The following HSPA1L variants were observed in gnomAD, a reference collection of about 807,000 sequenced individuals.
HSPA1L encodes heat shock protein family A (Hsp70) member 1 like.
A neutral mutation model predicts 31.5 loss-of-function variants in HSPA1L; 21 were observed. The observed-to-expected ratio is 0.67, with a 90% confidence interval of 0.47 to 0.96. The LOEUF (loss-of-function observed/expected upper bound fraction) is 0.96, where lower values mean the gene tolerates loss of function less well. Ranked by LOEUF, HSPA1L falls within the 40% of genes least tolerant of loss-of-function variation. The pLI is 0.00. For missense variants in HSPA1L, 709 were observed against 813.4 expected (o/e 0.87, Z 1.56); for synonymous variants, 293 against 323.1 (o/e 0.91, Z 1.00).
In HSPA1L at chr6:31,811,822, G is replaced by A. The variant is rs760051391; in HGVS notation, c.151C>T (p.Arg51Trp). The A allele has an allele frequency of 5.0e-6, 8 of 1,614,014 alleles. No individual in the cohort carries two copies. The highest frequency in any genetic ancestry group is 5.1e-6 in the Non-Finnish European group (6 of 1,180,026). Residue 51 changes from arginine to tryptophan, a missense_variant, in exon 2 of 2, where the codon CGG becomes TGG. Physicochemically the swap from Arg to Trp is moderately radical, Grantham distance 101. Transcript: ENST00000375654. ...TTCTTGGCCGCATCCCCAATGAGCC[G>A]CTCGGTGTCTGTGAAGGCCACGTAG... ...PSYVAFTDTE[R>W]LIGDAAKNQV...
Position 31,810,825 on chromosome 6 carries a change from A to G in HSPA1L, c.1148T>C (p.Met383Thr), listed in dbSNP as rs1486169523. 3.1e-6 allele frequency: 5 copies of G among 1,614,014 alleles called. No homozygotes were observed. Among genetic ancestry groups the G allele is most frequent in the Non-Finnish European group, 4.2e-6 (5 of 1,180,020 alleles). Residue 383 changes from methionine to threonine, a missense_variant, in exon 2 of 2, where the codon ATG (methionine) becomes ACG (threonine). Met to Thr is a moderately conservative substitution (Grantham distance 81). Transcript: ENST00000375654. ...YGAAVQAAIL[M>T]GDKSEKVQDL... ...CTGTACCTTCTCAGACTTGTCCCCC[A>G]TCAGGATGGCTGCTTGTACCGCAGC...
In HSPA1L at chr6:31,810,779, C is replaced by G; in HGVS notation, c.1194G>C (p.Val398=). Residue 398 remains valine, a synonymous_variant, in exon 2 of 2, where the codon GTG becomes GTC. Coordinates refer to ENST00000375654, the MANE Select transcript of HSPA1L (RefSeq NM_005527.4). The part of the protein sequence containing the change: ...EKVQDLLLLD[V]APLSLGLETA... ...TCTCCAGCCCCAGGGACAGGGGAGC[C>G]ACGTCCAGCAGCAGCAGGTCCTGTA... 6.2e-7 allele frequency: 1 copy of G among 1,614,136 alleles called. No homozygotes were observed. The highest frequency in any genetic ancestry group is 8.5e-7 in the Non-Finnish European group (1 of 1,180,014).
chr6:31,811,646 G>C lies in HSPA1L; in HGVS notation c.327C>G (p.Tyr109Ter), dbSNP rs769675691. Reference protein sequence around the residue: ...EGGKPKVLVSYKGENKAFYPE... With the variant: ...EGGKPKVLVS ...GGTAGAAAGCTTTATTCTCCCCTTTGTAGGACACAAGGACTTTGGGCTTGC... is the reference window on the plus strand; with the variant it reads ...GGTAGAAAGCTTTATTCTCCCCTTTCTAGGACACAAGGACTTTGGGCTTGC... The change falls in exon 2 of 2, where the codon TAC becomes TAG. Residue 109 changes from tyrosine (Y) to a stop codon, truncating the protein, a stop_gained. Transcript: ENST00000375654. LOFTEE classifies it high-confidence loss of function. 1 of 1,614,192 alleles carries C rather than the reference G, an allele frequency of 6.2e-7. No homozygotes were observed. The highest frequency in any genetic ancestry group is 8.5e-7 in the Non-Finnish European group (1 of 1,180,034).
Position 31,811,578 on chromosome 6 carries a change from G to T in HSPA1L, c.395C>A (p.Thr132Asn). The change falls in exon 2 of 2, where the codon ACT (threonine) becomes AAT (asparagine). Residue 132 changes from threonine (T) to asparagine (N), a missense_variant. Thr to Asn is a moderately conservative substitution (Grantham distance 65). Coordinates refer to ENST00000375654, the MANE Select transcript of HSPA1L (RefSeq NM_005527.4). The part of the protein sequence containing the change: ...SSMVLTKLKE[T>N]AEAFLGHPVT... ...AGGGTGGCCCAAAAAGGCCTCAGCA[G>T]TCTCCTTCAACTTAGTCAATACCAT... The T allele has an allele frequency of 3.1e-6, 5 of 1,614,148 alleles. No individual in the cohort carries two copies. The highest frequency in any genetic ancestry group is 4.2e-6 in the Non-Finnish European group (5 of 1,180,014).
intron 1 of HSPA1L, 111 bp from the exon 2 acceptor site, chr6:31,812,096 A>T: frequency 7.6e-7 from 1 of 1,323,334 alleles, no homozygotes; most frequent in Non-Finnish European, 1.0e-6. Flanking sequence ...AGGCGCAGTC[A>T]TAGCTCACTG....
At position 31,810,931 on chromosome 6, in the gene HSPA1L, C is replaced by A; in HGVS notation, c.1042G>T (p.Val348Leu). Residue 348 changes from valine (V) to leucine (L), a missense_variant, in exon 2 of 2, where the codon GTG (valine) becomes TTG (leucine). By Grantham distance (32) the Val-to-Leu change is conservative. Transcript: ENST00000375654. ...AAGTAGTCCTGAAGCAGCCGCTGCA[C>A]CTTGGGGATGCGGGTGGAGCCCCCT... ...LVGGSTRIPK[V>L]QRLLQDYFNG... 3.1e-6 allele frequency: 5 copies of A among 1,614,150 alleles called. No individual in the cohort carries two copies. The highest frequency in any genetic ancestry group is 4.2e-6 in the Non-Finnish European group (5 of 1,180,022).
chr6:31,810,609 T>G lies in HSPA1L; in HGVS notation c.1364A>C (p.Asn455Thr), dbSNP rs773048128. 1.9e-6 allele frequency: 3 copies of G among 1,614,148 alleles called. No homozygotes were observed. The South Asian group carries it at 3.3e-5, about 18-fold the overall frequency. Residue 455 changes from asparagine to threonine, a missense_variant, in exon 2 of 2, where the codon AAC becomes ACC. Coordinates refer to ENST00000375654, the MANE Select transcript of HSPA1L (RefSeq NM_005527.4). ...CAGGTCAAACCGCCCCAGCAGGTTG[T>G]TGTCCTTTGTCATGGCCCTCTCGCC... ...YEGERAMTKD[N>T]NLLGRFDLTG...
intron 1 of HSPA1L, among the ~76,000 whole-genome samples, chr6:31,812,555 T>TCAAACGATCCTTCAGCC (rs1308789848): frequency 2.0e-5 from 3 of 152,124 alleles, no homozygotes; most frequent in Non-Finnish European, 1.5e-5. Context: ...CCTTCAGGGC[T>TCAAACGATCCTTCAGCC]CAAACGATCC....
chr6:31,813,784 G>A (rs528768302), intron 1 of HSPA1L, among the ~76,000 whole-genome samples: 5 of 152,346 alleles, frequency 3.3e-5, no homozygotes, highest in African/African-American at 1.2e-4. Flanking sequence ...GAAGCAAGTA[G>A]CTGTATATTG....
Position 31,810,761 on chromosome 6 carries a change from C to T in HSPA1L, c.1212G>A (p.Gly404=). Residue 404 remains glycine (G), a synonymous_variant, in exon 2 of 2, where the codon GGG becomes GGA. Coordinates refer to ENST00000375654, the MANE Select transcript of HSPA1L (RefSeq NM_005527.4). The stretch of plus-strand genomic sequence containing the variant: ...TCATCACGCCCCCAGCCGTCTCCAG[C>T]CCCAGGGACAGGGGAGCCACGTCCA... The part of the protein sequence containing the change: ...LLLDVAPLSL[G]LETAGGVMTA... 6.2e-7 allele frequency: 1 copy of T among 1,614,056 alleles called. No individual in the cohort carries two copies. The highest frequency in any genetic ancestry group is 8.5e-7 in the Non-Finnish European group (1 of 1,180,002).
At position 31,811,535 on chromosome 6, in the gene HSPA1L, A is replaced by G; in HGVS notation, c.438T>C (p.Ile146=). 6.2e-7 allele frequency: 1 copy of G among 1,614,144 alleles called. No homozygotes were observed. The highest frequency in any genetic ancestry group is 8.5e-7 in the Non-Finnish European group (1 of 1,180,014). ...AGTCATTGAAATAGGCTGGCACGGT[A>G]ATCACTGCATTGGTGACAGGGTGGC... ...FLGHPVTNAV[I]TVPAYFNDSQ... Residue 146 remains isoleucine (I), a synonymous_variant, in exon 2 of 2, where the codon ATT becomes ATC. Coordinates refer to ENST00000375654, the MANE Select transcript of HSPA1L (RefSeq NM_005527.4).
In HSPA1L at chr6:31,811,133, G is replaced by T. The variant is rs531378907; in HGVS notation, c.840C>A (p.Thr280=). ...GTGAATCAATTTCTAGGTTGGCCTGGGTGCTGGACGACAGGGTCCTCTTGG... is the reference window on the plus strand; with the variant it reads ...GTGAATCAATTTCTAGGTTGGCCTGTGTGCTGGACGACAGGGTCCTCTTGG... ...ERAKRTLSSS[T]QANLEIDSLY... is the part of the protein sequence containing the mutation. Residue 280 remains threonine (T), a synonymous_variant, in exon 2 of 2, where the codon ACC becomes ACA. Transcript: ENST00000375654. 4 of 1,614,198 alleles carry T rather than the reference G, an allele frequency of 2.5e-6. No individual in the cohort carries two copies. The highest frequency in any genetic ancestry group is 2.2e-5 in the East Asian group (1 of 44,872).
chr6:31,810,848 AGCCCCATAT>A lies in HSPA1L; in HGVS notation c.1116_1124del (p.Tyr373_Ala375del). The A allele has an allele frequency of 6.2e-7, 1 of 1,614,138 alleles. No homozygotes were observed. The highest frequency in any genetic ancestry group is 8.5e-7 in the Non-Finnish European group (1 of 1,180,008). ...CCATCAGGATGGCTGCTTGTACCGCAGCCCCATATGCTACGGCCTCATCAGGGTTGATGC... is the reference window on the plus strand; with the variant it reads ...CCATCAGGATGGCTGCTTGTACCGCAGCTACGGCCTCATCAGGGTTGATGC... On this transcript the variant is annotated inframe_deletion, in exon 2 of 2. Coordinates refer to ENST00000375654, the MANE Select transcript of HSPA1L (RefSeq NM_005527.4).
rs1364411460 is a variant in HSPA1L at position 31,815,099 on chromosome 6, G to A, written c.-224C>T. On this transcript the variant is annotated 5_prime_UTR_variant, in exon 1 of 2. Transcript: ENST00000375654. ...AGAGACAGTATCTCCATTGTAACGT[G>A]GCCGGGCGGTGTCAACACAAACGCC... 7 of 936,980 alleles carry A rather than the reference G, an allele frequency of 7.5e-6. No individual in the cohort carries two copies. Among genetic ancestry groups the A allele is most frequent in the Non-Finnish European group, 9.0e-6 (7 of 781,946 alleles). The allele number at this position is 936,980 out of a possible 1,614,324, so 58.0% of individuals were successfully genotyped here. A position where few individuals can be genotyped will look rare whatever the true frequency, so the allele number is the denominator to read the frequency against.
chr6:31,811,523 G>C lies in HSPA1L; in HGVS notation c.450C>G (p.Ala150=). 1 of 1,614,202 alleles carries C rather than the reference G, an allele frequency of 6.2e-7. No individual in the cohort carries two copies. Among genetic ancestry groups the C allele is most frequent in the Non-Finnish European group, 8.5e-7 (1 of 1,180,034 alleles). Residue 150 remains alanine, a synonymous_variant, in exon 2 of 2, where the codon GCC becomes GCG. Coordinates refer to ENST00000375654, the MANE Select transcript of HSPA1L (RefSeq NM_005527.4). ...PVTNAVITVP[A]YFNDSQRQAT... Reference sequence around the variant, plus strand: ...CCTGACGTTGAGAGTCATTGAAATAGGCTGGCACGGTAATCACTGCATTGG... The same window carrying C: ...CCTGACGTTGAGAGTCATTGAAATACGCTGGCACGGTAATCACTGCATTGG...
chr6:31,811,171 C>G lies in HSPA1L; in HGVS notation c.802G>C (p.Ala268Pro). The G allele has an allele frequency of 6.2e-7, 1 of 1,614,154 alleles. No individual in the cohort carries two copies. Among genetic ancestry groups the G allele is most frequent in the South Asian group, 1.1e-5 (1 of 91,072 alleles). Residue 268 changes from alanine (A) to proline (P), a missense_variant, in exon 2 of 2, where the codon GCC becomes CCC. Coordinates refer to ENST00000375654, the MANE Select transcript of HSPA1L (RefSeq NM_005527.4). ...AGGGTCCTCTTGGCCCTCTCGCAGG[C>G]GGTGCGCAGCCGCCTCACGGCTCGC... ...NKRAVRRLRT[A>P]CERAKRTLSS...
Position 31,811,897 on chromosome 6 carries a change from C to A in HSPA1L, c.76G>T (p.Gly26Cys). The A allele has an allele frequency of 6.2e-7, 1 of 1,614,182 alleles. No individual in the cohort carries two copies. Among genetic ancestry groups the A allele is most frequent in the South Asian group, 1.1e-5 (1 of 91,080 alleles). ...TYSCVGVFQHGKVEIIANDQG... is the reference protein window; with the variant it reads ...TYSCVGVFQHCKVEIIANDQG... The stretch of plus-strand genomic sequence containing the variant: ...TCGTTGGCGATGATCTCCACCTTGC[C>A]GTGCTGGAACACCCCCACACAGGAG... The change falls in exon 2 of 2, where the codon GGC (glycine) becomes TGC (cysteine). Residue 26 changes from glycine to cysteine, a missense_variant. Gly to Cys is a radical substitution (Grantham distance 159). Transcript: ENST00000375654.
chr6:31,811,680 T>C lies in HSPA1L; in HGVS notation c.293A>G (p.Asn98Ser). The C allele has an allele frequency of 6.2e-7, 1 of 1,614,210 alleles. No homozygotes were observed. The highest frequency in any genetic ancestry group is 8.5e-7 in the Non-Finnish European group (1 of 1,180,040). The part of the protein sequence containing the change: ...DMKLWPFQVI[N>S]EGGKPKVLVS... ...AAGGACTTTGGGCTTGCCTCCTTCATTAATCACTTGAAAAGGCCAAAGTTT... is the reference window on the plus strand; with the variant it reads ...AAGGACTTTGGGCTTGCCTCCTTCACTAATCACTTGAAAAGGCCAAAGTTT... The change falls in exon 2 of 2, where the codon AAT becomes AGT. Residue 98 changes from asparagine to serine, a missense_variant. Coordinates refer to ENST00000375654, the MANE Select transcript of HSPA1L (RefSeq NM_005527.4).
intron 1 of HSPA1L, among the ~76,000 whole-genome samples, chr6:31,813,018 C>G (rs1002163083): frequency 1.3e-5 from 2 of 152,060 alleles, no homozygotes; most frequent in African/African-American, 4.8e-5. Context: ...GACCAGGTCT[C>G]CCTGTTGCCC....
Sources: gnomAD v4.1 joint callset for allele counts (sites outside exome capture counted in the v4.1 genomes callset) on GRCh38, gnomAD v4.1.1 for gene constraint, MANE v1.5 for transcripts, NCBI Gene and HGNC (gene_info 2026-07-23, HGNC 2026-07-21) for gene names.